PKIB: variants seen among roughly 807,000 people sequenced by gnomAD.
PKIB encodes the protein PKI-beta.
PKIB carries 2 observed loss-of-function variants against 4.5 expected under a neutral mutation model. The ratio of observed to expected loss-of-function variants is 0.44; its 90% CI spans 0.18 to 1.39. The LOEUF is 1.39. Among genes scored for constraint, PKIB ranks in the 40% most tolerant of loss-of-function variants. The probability of loss-of-function intolerance (pLI) is 0.27; values close to 1 mark genes in which losing one functional copy is unlikely to be tolerated. For synonymous variants in PKIB, 38 were observed against 36.0 expected, an observed-to-expected ratio of 1.06 and a Z score of -0.20; for missense variants, 94 against 92.6, an observed-to-expected ratio of 1.02 and a Z score of -0.06.
chr6:122,634,626 A>G (rs998070383), intron 2 of PKIB, among the ~76,000 whole-genome samples: 6 of 152,160 alleles, frequency 3.9e-5, no homozygotes, highest in African/African-American at 1.4e-4. Context: ...GTTTAGGCTC[A>G]TTGCCTGGTC....
At chr6:122,575,741 C>T (rs1302992264) in intron 2 of PKIB, among the ~76,000 whole-genome samples, 2 of 152,114 alleles carry the variant, frequency 1.3e-5, no homozygotes, top group African/African-American at 2.4e-5. Flanking sequence ...CATAACAGTA[C>T]TATAATGGAC....
At chr6:122,474,929 A>G (rs906285008) in intron 1 of PKIB, among the ~76,000 whole-genome samples, 13 of 152,252 alleles carry the variant, frequency 8.5e-5, no homozygotes, top group African/African-American at 1.4e-4. Context: ...ACAAAAATCA[A>G]TATTAACCAA....
intron 2 of PKIB, among the ~76,000 whole-genome samples, chr6:122,661,825 G>T (rs2114914981): frequency 6.6e-6 from 1 of 152,204 alleles, no homozygotes; most frequent in South Asian, 2.1e-4. Flanking sequence ...CAGTGACGAA[G>T]CCTTCCATTT....
At chr6:122,655,279 C>G (rs1259456035) in intron 2 of PKIB, among the ~76,000 whole-genome samples, 1 of 152,176 alleles carries the variant, frequency 6.6e-6, no homozygotes, top group African/African-American at 2.4e-5. Context: ...TTTGTGTTCT[C>G]CTCTCCACCT....
At chr6:122,530,874 T>C (rs147441478) in intron 2 of PKIB, among the ~76,000 whole-genome samples, 1 of 152,212 alleles carries the variant, frequency 6.6e-6, no homozygotes, top group African/African-American at 2.4e-5. Context: ...GGGAGACACA[T>C]GAACAGACAC....
intron 3 of PKIB, among the ~76,000 whole-genome samples, chr6:122,703,318 G>C (rs1402818527): frequency 6.6e-6 from 1 of 151,934 alleles, no homozygotes; most frequent in Non-Finnish European, 1.5e-5. Flanking sequence ...AATTTTAATG[G>C]GAAAATGCTT....
chr6:122,595,615 C>T (rs1774155075), intron 3 of PKIB, among the ~76,000 whole-genome samples: 1 of 152,202 alleles, frequency 6.6e-6, no homozygotes. Context: ...ATATAACCAA[C>T]TTGCCACTAG....
intron 2 of PKIB, among the ~76,000 whole-genome samples, chr6:122,550,988 A>G (rs1772658878): frequency 1.3e-5 from 2 of 152,168 alleles, no homozygotes; most frequent in African/African-American, 4.8e-5. Flanking sequence ...TCTAGAGAGC[A>G]GTGGTGTTGA....
intron 3 of PKIB, among the ~76,000 whole-genome samples, chr6:122,705,786 C>T (rs918261004): frequency 1.3e-5 from 2 of 151,890 alleles, no homozygotes; most frequent in Non-Finnish European, 2.9e-5. Context: ...AGGATGGTCT[C>T]GATCTCCTGA....
intron 2 of PKIB, among the ~76,000 whole-genome samples, chr6:122,578,142 T>C (rs1312799498): frequency 6.6e-5 from 10 of 151,916 alleles, no homozygotes; most frequent in Non-Finnish European, 1.0e-4. Flanking sequence ...TAGATAGAAA[T>C]GTCCAGGAAG....
chr6:122,701,424 C>A lies in PKIB; in HGVS notation c.-8-16363C>A. On this transcript the variant is annotated intron_variant, in intron 3 of 4. Transcript: ENST00000368452. ...TACTGACTGGTTAAGGCACTGTTTT[C>A]TCATTGCATTTACAGGCTGAAGCTT... The A allele has an allele frequency of 1.9e-6, 3 of 1,559,616 alleles. No homozygotes were observed. In the Admixed American group the frequency reaches 5.7e-5, roughly 30 times the overall value.
chr6:122,701,764 C>T (rs924682281), intron 3 of PKIB, among the ~76,000 whole-genome samples: 7 of 152,104 alleles, frequency 4.6e-5, no homozygotes, highest in East Asian at 1.9e-4. Flanking sequence ...CATTGGTGAA[C>T]GAAAGATTCC....
At chr6:122,642,442 A>G (rs1214535641) in intron 2 of PKIB, among the ~76,000 whole-genome samples, 4 of 152,222 alleles carry the variant, frequency 2.6e-5, no homozygotes, top group Admixed American at 6.5e-5. Context: ...TCTTAGAGAC[A>G]CCTCGTTAGA....
At chr6:122,472,279 C>T (rs79558139) in intron 1 of PKIB, among the ~76,000 whole-genome samples, 2,686 of 152,342 alleles carry the variant, frequency 0.018, 37 homozygotes, top group South Asian at 0.037. Flanking sequence ...CAGCCCGCTG[C>T]CCGGAACAAG....
At chr6:122,473,730 T>C (rs887922084) in intron 1 of PKIB, among the ~76,000 whole-genome samples, 1 of 152,236 alleles carries the variant, frequency 6.6e-6, no homozygotes, top group African/African-American at 2.4e-5. Context: ...TTTCTCAATA[T>C]ATACCAGCTA....
intron 4 of PKIB, among the ~76,000 whole-genome samples, chr6:122,719,196 A>G (rs1029102825): frequency 1.3e-5 from 2 of 152,142 alleles, no homozygotes; most frequent in African/African-American, 4.8e-5. Flanking sequence ...ACAAAACCTT[A>G]ATGTTTACTG....
At chr6:122,715,920 C>T (rs1235867244) in intron 3 of PKIB, among the ~76,000 whole-genome samples, 1 of 152,038 alleles carries the variant, frequency 6.6e-6, no homozygotes, top group African/African-American at 2.4e-5. Context: ...AAATGAGTCG[C>T]TTAACCTCTC....
chr6:122,671,028 T>G (rs1777442319), intron 2 of PKIB, among the ~76,000 whole-genome samples: 1 of 152,192 alleles, frequency 6.6e-6, no homozygotes. Context: ...GCGCGGTGGC[T>G]CACGCCTGTA....
chr6:122,512,216 T>C (rs985247037), intron 2 of PKIB, among the ~76,000 whole-genome samples: 2 of 152,170 alleles, frequency 1.3e-5, no homozygotes, highest in Admixed American at 6.5e-5. Context: ...AATAAGAAAA[T>C]GTCAATACTT....
Sources: gnomAD v4.1 joint callset for allele counts (sites outside exome capture counted in the v4.1 genomes callset) on GRCh38, gnomAD v4.1.1 for gene constraint, MANE v1.5 for transcripts, NCBI Gene and HGNC (gene_info 2026-07-23, HGNC 2026-07-21) for gene names.